XPO7: variants seen among roughly 807,000 people sequenced by gnomAD.
XPO7 encodes the protein exportin-7.
Under a neutral mutation model 144.3 loss-of-function variants are expected in XPO7, and 21 were observed. The ratio of observed to expected loss-of-function variants is 0.15; its 90% CI spans 0.10 to 0.21. The LOEUF (loss-of-function observed/expected upper bound fraction) is 0.21. XPO7 is among the 10% of genes least tolerant of loss of function. The pLI, the probability that XPO7 is intolerant of heterozygous loss-of-function variation, is 1.00. For synonymous variants in XPO7, 580 were observed against 499.6 expected (o/e 1.16, Z -2.15); for missense variants, 808 against 1,325.8 (o/e 0.61, Z 6.06).
At chr8:21,951,620 T>C (rs892382309) in intron 1 of XPO7, among the ~76,000 whole-genome samples, 2 of 152,190 alleles carry the variant, frequency 1.3e-5, no homozygotes, top group African/African-American at 4.8e-5. Flanking sequence ...GCATGTTCAG[T>C]AGCCTGCTTT....
At chr8:22,001,164 G>A (rs193120781) in intron 24 of XPO7, among the ~76,000 whole-genome samples, 2 of 152,020 alleles carry the variant, frequency 1.3e-5, no homozygotes, top group African/African-American at 4.8e-5. Context: ...AAATTAGCTC[G>A]GCGTGGTGGT....
chr8:22,005,055 T>G lies in XPO7; in HGVS notation c.3231T>G (p.Thr1077=). 1 of 1,612,858 alleles carries G rather than the reference T, an allele frequency of 6.2e-7. No individual in the cohort carries two copies. The highest frequency in any genetic ancestry group is 8.5e-7 in the Non-Finnish European group (1 of 1,179,424). The change falls in exon 28 of 28, where the codon ACT becomes ACG. Residue 1077 remains threonine, a synonymous_variant. Transcript: ENST00000252512. ...TCAACGACTCAATGAAGAATTCCAC[T>G]TATGGCGTGAATAGCAATGACATGA... The part of the protein sequence containing the change: ...REVNDSMKNS[T]YGVNSNDMMS
chr8:21,969,799 A>T, intron 3 of XPO7: 1 of 557,472 alleles, frequency 1.8e-6, no homozygotes, highest in Admixed American at 3.6e-5. Context: ...TTATCGGGAG[A>T]TTTCTTCATT....
Position 21,989,072 on chromosome 8 carries a change from C to G in XPO7, c.1857C>G (p.Asp619Glu). 6.2e-7 allele frequency: 1 copy of G among 1,613,604 alleles called. No homozygotes were observed. Reference protein sequence around the residue: ...ITSKTLQLLNDLSIGYSSVRK... With the variant: ...ITSKTLQLLNELSIGYSSVRK... ...CCAAGACACTACAGCTTCTCAATGACCTGTCCATTGGATATCCTTTTCTAA... is the reference window on the plus strand; with the variant it reads ...CCAAGACACTACAGCTTCTCAATGAGCTGTCCATTGGATATCCTTTTCTAA... Residue 619 changes from aspartate (D) to glutamate (E), a missense_variant, in exon 16 of 28, where the codon GAC becomes GAG. Coordinates refer to ENST00000252512, the MANE Select transcript of XPO7 (RefSeq NM_015024.5).
chr8:21,959,643 TA>T (rs545028402), intron 1 of XPO7, among the ~76,000 whole-genome samples: 168 of 149,834 alleles, frequency 1.1e-3, no homozygotes, highest in African/African-American at 3.2e-3. Flanking sequence ...ATTCTCACTT[TA>T]AAAAAAAAAT....
At chr8:21,939,215 TTTTTC>T (rs1332509406) in intron 1 of XPO7, among the ~76,000 whole-genome samples, 1 of 138,694 alleles carries the variant, frequency 7.2e-6, no homozygotes, top group Non-Finnish European at 1.5e-5. Flanking sequence ...TTTGGATTTC[TTTTTC>T]TTTTCTTTTT....
intron 7 of XPO7, among the ~76,000 whole-genome samples, chr8:21,977,307 G>A (rs536085466): frequency 2.0e-5 from 3 of 152,182 alleles, no homozygotes; most frequent in Non-Finnish European, 4.4e-5. Context: ...GAGGCCGGGC[G>A]TGGTGGCTCA....
intron 1 of XPO7, among the ~76,000 whole-genome samples, chr8:21,957,722 G>C (rs1419943277): frequency 1.3e-5 from 2 of 152,148 alleles, no homozygotes; most frequent in African/African-American, 4.8e-5. Flanking sequence ...TTCTTATGAA[G>C]CTCCTACTGT....
intron 1 of XPO7, chr8:21,921,554 A>T (rs997914276): frequency 6.6e-6 from 1 of 152,222 alleles, no homozygotes; most frequent in Non-Finnish European, 1.5e-5. Flanking sequence ...TTTTCGAAGC[A>T]TAAAGGTTGT....
At chr8:21,962,259 G>A (rs1811749758) in intron 1 of XPO7, among the ~76,000 whole-genome samples, 1 of 152,132 alleles carries the variant, frequency 6.6e-6, no homozygotes, top group South Asian at 2.1e-4. Flanking sequence ...GATGACTTTG[G>A]CCACCACGAT....
chr8:21,988,513 C>A (rs1206069537), intron 15 of XPO7: 1 of 161,640 alleles, frequency 6.2e-6, no homozygotes, highest in Non-Finnish European at 1.4e-5. Context: ...TTGCCTCCTA[C>A]CAACTGTCCC....
chr8:21,923,949 C>G (rs931525465), intron 1 of XPO7, among the ~76,000 whole-genome samples: 2 of 152,112 alleles, frequency 1.3e-5, no homozygotes, highest in African/African-American at 2.4e-5. Flanking sequence ...TTTTAAAACA[C>G]CTAACATTAT....
chr8:21,919,887 G>T, intron 1 of XPO7, 99 bp downstream of exon 1: 1 of 288,528 alleles, frequency 3.5e-6, no homozygotes, highest in Non-Finnish European at 6.6e-6. Context: ...TCGGGACTCG[G>T]CAGGCCCGCG....
intron 8 of XPO7, among the ~76,000 whole-genome samples, chr8:21,979,842 ATC>A (rs1486789374): frequency 1.3e-5 from 2 of 152,144 alleles, no homozygotes; most frequent in Non-Finnish European, 1.5e-5. Flanking sequence ...GAAATAACGT[ATC>A]TCAGCAAGAA....
Position 22,005,288 on chromosome 8 carries a change from C to A in XPO7, c.*200C>A. On this transcript the variant is annotated 3_prime_UTR_variant, in exon 28 of 28. Transcript: ENST00000252512. ...CTAGGGGGCAGGGCGCTGCTGGTTCCTGGGGGACTGGGTGGGAAGGGTGGT... is the reference window on the plus strand; with the variant it reads ...CTAGGGGGCAGGGCGCTGCTGGTTCATGGGGGACTGGGTGGGAAGGGTGGT... 2.6e-6 allele frequency: 1 copy of A among 378,964 alleles called. No individual in the cohort carries two copies. 23.5% of individuals were successfully genotyped at this position (378,964 alleles called of 1,614,324 possible). A position where few individuals can be genotyped will look rare whatever the true frequency, so the allele number is the denominator to read the frequency against.
At chr8:21,936,136 C>T (rs1810814911) in intron 1 of XPO7, among the ~76,000 whole-genome samples, 1 of 152,132 alleles carries the variant, frequency 6.6e-6, no homozygotes, top group Non-Finnish European at 1.5e-5. Context: ...TCTGCTAACC[C>T]TACCTCTGCT....
chr8:21,987,221 T>G lies in XPO7; in HGVS notation c.1658T>G (p.Phe553Cys), dbSNP rs752506323. The G allele has an allele frequency of 2.5e-6, 4 of 1,613,978 alleles. No individual in the cohort carries two copies. ...NEKLELAMLS[F>C]FEQFRKIYIG... Reference sequence around the variant, plus strand: ...AAGCTAGAGTTGGCCATGCTGAGCTTTTTTGAACAGTTTCGTAAGATCTAC... The same window carrying G: ...AAGCTAGAGTTGGCCATGCTGAGCTGTTTTGAACAGTTTCGTAAGATCTAC... The change falls in exon 14 of 28, where the codon TTT (phenylalanine) becomes TGT (cysteine). Residue 553 changes from phenylalanine (F) to cysteine (C), a missense_variant. Physicochemically the swap from Phe to Cys is radical, Grantham distance 205. Transcript: ENST00000252512.
intron 19 of XPO7, 97 bp downstream of exon 19, chr8:21,992,071 C>CT: frequency 2.4e-6 from 2 of 845,346 alleles, no homozygotes; most frequent in Non-Finnish European, 3.6e-6. Flanking sequence ...ACTGCCATAG[C>CT]TTTTTTTAAT....
chr8:21,952,429 C>A (rs1811402493), intron 1 of XPO7, among the ~76,000 whole-genome samples: 1 of 151,758 alleles, frequency 6.6e-6, no homozygotes, highest in African/African-American at 2.4e-5. Flanking sequence ...GGTAGAACAC[C>A]AGAGAAGCTA....
Sources: gnomAD v4.1 joint callset for allele counts (sites outside exome capture counted in the v4.1 genomes callset) on GRCh38, gnomAD v4.1.1 for gene constraint, MANE v1.5 for transcripts, NCBI Gene and HGNC (gene_info 2026-07-23, HGNC 2026-07-21) for gene names.